The following CFI variants were observed in gnomAD, a reference collection of about 807,000 sequenced individuals.
CFI encodes complement factor I, also known as C3B/C4B inactivator.
CFI carries 66 observed loss-of-function variants against 78.8 expected under a neutral mutation model. That is an observed-to-expected ratio of 0.84 (90% CI 0.69 to 1.03). The LOEUF is 1.03. Ranked by LOEUF, CFI falls within the 50% of genes least tolerant of loss-of-function variation. The probability of loss-of-function intolerance (pLI) is 0.00; values close to 1 mark genes in which losing one functional copy is unlikely to be tolerated. For missense variants in CFI, 706 were observed against 704.5 expected (o/e 1.00, Z -0.02); for synonymous variants, 250 against 232.6 (o/e 1.07, Z -0.68).
At chr4:109,743,703 G>C (rs990449736) in intron 11 of CFI, among the ~76,000 whole-genome samples, 5 of 152,130 alleles carry the variant, frequency 3.3e-5, no homozygotes, top group Non-Finnish European at 7.4e-5. Context: ...TGGAATAAGG[G>C]AACATGTTAA....
intron 1 of CFI, among the ~76,000 whole-genome samples, chr4:109,788,063 C>G (rs997377282): frequency 5.9e-5 from 9 of 152,056 alleles, no homozygotes; most frequent in African/African-American, 1.9e-4. Context: ...CCATGTTACT[C>G]TCCAATCTGT....
chr4:109,789,937 G>T (rs1579307090), intron 1 of CFI, among the ~76,000 whole-genome samples: 2 of 151,908 alleles, frequency 1.3e-5, no homozygotes, highest in South Asian at 2.1e-4. Flanking sequence ...GAAGCCATCT[G>T]GTTACAGATA....
At position 109,761,552 on chromosome 4, in the gene CFI, T is replaced by C; in HGVS notation, c.623A>G (p.Asp208Gly). ...TGTATAACAAACCACATCAGCGAAA[T>C]CCTGGTAACCCATAGTTCTTCTCTT... ...FTKRRTMGYQ[D>G]FADVVCYTQK... Residue 208 changes from aspartate (D) to glycine (G), a missense_variant, in exon 4 of 13, where the codon GAT becomes GGT. Transcript: ENST00000394634. 6.2e-7 allele frequency: 1 copy of C among 1,614,098 alleles called. No homozygotes were observed. The highest frequency in any genetic ancestry group is 8.5e-7 in the Non-Finnish European group (1 of 1,180,010).
chr4:109,762,189 T>TA (rs10634105), intron 3 of CFI: 13 of 115,324 alleles, frequency 1.1e-4, no homozygotes, highest in South Asian at 3.0e-4. Flanking sequence ...AGACTCTGTC[T>TA]AAAAAAAAAA....
chr4:109,777,512 G>C (rs1403948780), intron 1 of CFI, among the ~76,000 whole-genome samples: 6 of 150,228 alleles, frequency 4.0e-5, no homozygotes, highest in Non-Finnish European at 8.9e-5. Context: ...AAGAGACTTA[G>C]ACTCCCACAC....
intron 1 of CFI, among the ~76,000 whole-genome samples, chr4:109,772,462 T>A (rs972163883): frequency 2.0e-4 from 30 of 152,252 alleles, no homozygotes; most frequent in Non-Finnish European, 3.7e-4. Flanking sequence ...AAAAATTATT[T>A]AAATCACCAT....
In CFI at chr4:109,753,483, ATAATAAATAT is replaced by A. The variant is rs1725591199; in HGVS notation, c.905-990_905-981del. 2.3e-5 allele frequency among the ~76,000 whole-genome samples: 2 copies of A among 86,284 alleles called. 1 individual carries two copies. Among genetic ancestry groups the A allele is most frequent in the Non-Finnish European group, 3.9e-5 (2 of 51,494 alleles). 56.6% of individuals were successfully genotyped at this position (86,284 alleles called of 152,430 possible). On this transcript the variant is annotated intron_variant, in intron 7 of 12. Transcript: ENST00000394634. The stretch of plus-strand genomic sequence containing the variant: ...TATATATTTATATTAATAAATATTT[ATAATAAATAT>A]TTATAATATATTTATTATATAAATA...
At chr4:109,801,292 G>A (rs2125882326) in intron 1 of CFI, among the ~76,000 whole-genome samples, 1 of 152,288 alleles carries the variant, frequency 6.6e-6, no homozygotes. Flanking sequence ...CCTGGCTAAA[G>A]AAGCTGGAAA....
At chr4:109,755,572 C>A (rs1264268407) in intron 7 of CFI, among the ~76,000 whole-genome samples, 3 of 152,102 alleles carry the variant, frequency 2.0e-5, no homozygotes, top group Middle Eastern at 3.4e-3. Context: ...TGAGAGTGGG[C>A]TTGTTATATA....
At chr4:109,790,804 C>A (rs567606073) in intron 1 of CFI, among the ~76,000 whole-genome samples, 9 of 152,152 alleles carry the variant, frequency 5.9e-5, no homozygotes, top group Admixed American at 6.6e-5. Context: ...CTGAGTAGTA[C>A]TCCATGGTGT....
chr4:109,782,413 C>T (rs1730159480), intron 1 of CFI, among the ~76,000 whole-genome samples: 1 of 130,124 alleles, frequency 7.7e-6, no homozygotes, highest in African/African-American at 2.9e-5. Flanking sequence ...AAGAACTCAA[C>T]CCCTTTTACA....
chr4:109,777,987 G>T (rs1729492352), intron 1 of CFI, among the ~76,000 whole-genome samples: 1 of 152,170 alleles, frequency 6.6e-6, no homozygotes, highest in African/African-American at 2.4e-5. Context: ...AAAGCAGTGT[G>T]TAGAGCGAAA....
intron 1 of CFI, among the ~76,000 whole-genome samples, chr4:109,783,798 G>C (rs77531917): frequency 2.4e-5 from 3 of 124,134 alleles, no homozygotes; most frequent in Non-Finnish European, 3.3e-5. Flanking sequence ...TCAATGAGTG[G>C]ATAAAGAAAC....
intron 1 of CFI, among the ~76,000 whole-genome samples, chr4:109,777,529 A>ATT (rs775563744): frequency 0.041 from 6,246 of 152,230 alleles, 208 homozygotes; most frequent in Admixed American, 0.099. Context: ...ACACAATAAT[A>ATT]ATGGGAGACT....
chr4:109,749,655 T>C, intron 8 of CFI, 53 bp from the exon 9 acceptor site: 1 of 1,098,430 alleles, frequency 9.1e-7, no homozygotes. Flanking sequence ...ATTAGCGTTT[T>C]TAACACACTT....
chr4:109,761,486 A>G, intron 4 of CFI, 31 bp downstream of exon 4: 4 of 1,608,420 alleles, frequency 2.5e-6, no homozygotes, highest in South Asian at 1.1e-5. Context: ...CCTTCAAGGA[A>G]GGGAAAATAA....
chr4:109,737,134 C>A (rs544457794), downstream of CFI, among the ~76,000 whole-genome samples: 2 of 152,182 alleles, frequency 1.3e-5, no homozygotes, highest in South Asian at 4.2e-4. Flanking sequence ...ATCTTCCATA[C>A]CCTCTCTCAC....
Position 109,746,304 on chromosome 4 carries a change from G to A in CFI, c.1347C>T (p.Ser449=), listed in dbSNP as rs141961923. 102 of 1,614,046 alleles carry A rather than the reference G, an allele frequency of 6.3e-5. No homozygotes were observed. Among genetic ancestry groups the A allele is most frequent in the Non-Finnish European group, 8.2e-5 (97 of 1,180,024 alleles). The stretch of plus-strand genomic sequence containing the variant: ...GAGACCAGGGGACACAGGCAGGGAT[G>A]GAACGAGGCAGCTCACAATCTTTTT... ...GNKKDCELPR[S]IPACVPWSPY... Residue 449 remains serine, a synonymous_variant, in exon 11 of 13, where the codon TCC becomes TCT. Transcript: ENST00000394634.
chr4:109,779,821 A>G (rs1729758602), intron 1 of CFI, among the ~76,000 whole-genome samples: 2 of 152,196 alleles, frequency 1.3e-5, no homozygotes, highest in Admixed American at 6.5e-5. Context: ...GGCCTCAGAA[A>G]TAATACTACA....
Sources: allele counts gnomAD v4.1 joint callset (sites outside exome capture counted in the v4.1 genomes callset), GRCh38; gene constraint gnomAD v4.1.1; transcripts MANE v1.5; gene names NCBI Gene and HGNC (gene_info 2026-07-23, HGNC 2026-07-21).